RBM41: variants seen among roughly 807,000 people sequenced by gnomAD.
RBM41 encodes RNA binding motif protein 41.
In RBM41, 14 loss-of-function variants were observed where a neutral mutation model predicts 30.8. The observed-to-expected ratio is 0.45, with a 90% CI of 0.30 to 0.71. The LOEUF is 0.71. RBM41 is among the 30% of genes least tolerant of loss of function. The pLI, the probability that RBM41 is intolerant of heterozygous loss-of-function variation, is 0.08. For synonymous variants in RBM41, 120 were observed against 110.1 expected (o/e 1.09, Z -0.56); for missense variants, 276 against 326.3 (o/e 0.85, Z 1.19).
At position 107,062,431 on chromosome X, in the gene RBM41, C is replaced by T. The variant is rs931427164; in HGVS notation, c.*5096G>A. 2.7e-5 allele frequency among the ~76,000 whole-genome samples: 3 copies of T among 111,187 alleles called. No homozygotes were observed. The highest frequency in any genetic ancestry group is 9.8e-5 in the African/African-American group (3 of 30,561). ...AAAAGTCCAGCTTAGAAGTATGCCC[C>T]TGGTAACATGTATCAGAGGCTATAT... On this transcript the variant is annotated 3_prime_UTR_variant, in exon 8 of 8. Coordinates refer to ENST00000685964, the MANE Select transcript of RBM41 (RefSeq NM_001324242.2).
At chrX:107,085,257 TTTC>T (rs1235442204) in intron 6 of RBM41, among the ~76,000 whole-genome samples, 2 of 85,717 alleles carry the variant, frequency 2.3e-5, no homozygotes, top group African/African-American at 6.2e-5. Flanking sequence ...TTTTTTTCTT[TTTC>T]TTTTTTTTTT....
chrX:107,116,058 C>A lies in RBM41; in HGVS notation c.126-4G>T. 8.7e-7 allele frequency: 1 copy of A among 1,151,545 alleles called. No individual in the cohort carries two copies. Among genetic ancestry groups the A allele is most frequent in the Non-Finnish European group, 1.2e-6 (1 of 862,306 alleles). The allele number at this position is 1,151,545 out of a possible 1,213,427, so 94.9% of individuals were successfully genotyped here. A position where few individuals can be genotyped will look rare whatever the true frequency, so the allele number is the denominator to read the frequency against. ...GCTCTCTTTCTTAGACATACATCTG[C>A]AAAACATGCAGGAGGAGAGTAAGAA... On this transcript the variant is annotated splice_region_variant and splice_polypyrimidine_tract_variant and intron_variant, in intron 2 of 7. Transcript: ENST00000685964.
chrX:107,073,578 G>A (rs751326180), intron 6 of RBM41, among the ~76,000 whole-genome samples: 13 of 111,566 alleles, frequency 1.2e-4, no homozygotes, highest in African/African-American at 3.9e-4. Flanking sequence ...GAAACAGTAC[G>A]GAGGTTCCTC....
chrX:107,099,489 A>G (rs1032582715), intron 5 of RBM41, among the ~76,000 whole-genome samples: 1 of 112,330 alleles, frequency 8.9e-6, no homozygotes, highest in African/African-American at 3.2e-5. Flanking sequence ...ACGGAAAGAC[A>G]TTCAGATAGT....
chrX:107,080,449 G>A (rs756084882), intron 6 of RBM41, among the ~76,000 whole-genome samples: 62 of 111,114 alleles, frequency 5.6e-4, no homozygotes, highest in African/African-American at 1.9e-3. Context: ...GTGGTGGCTC[G>A]CACCTGTAGT....
intron 5 of RBM41, among the ~76,000 whole-genome samples, chrX:107,091,582 A>G (rs990339141): frequency 8.9e-6 from 1 of 112,155 alleles, no homozygotes; most frequent in Non-Finnish European, 1.9e-5. Context: ...ACCTTCACAG[A>G]AGTCTCACTT....
Position 107,088,460 on chromosome X carries a change from T to A in RBM41, c.975A>T (p.Ser325=). 3.3e-6 allele frequency: 4 copies of A among 1,211,543 alleles called. No homozygotes were observed. Among genetic ancestry groups the A allele is most frequent in the Non-Finnish European group, 4.5e-6 (4 of 895,208 alleles). The change falls in exon 6 of 8, where the codon TCA becomes TCT. Residue 325 remains serine (S), a synonymous_variant. Transcript: ENST00000685964. The part of the protein sequence containing the change: ...EEIRKIPMFS[S]YNPGEPNKVL... ...CCTTGTTTGGTTCCCCTGGATTATA[T>A]GAAGAAAACATAGGAATTTTTCGGA...
chrX:107,078,791 TTTTA>T (rs745775568), intron 6 of RBM41, among the ~76,000 whole-genome samples: 45 of 109,901 alleles, frequency 4.1e-4, no homozygotes, highest in Non-Finnish European at 7.0e-4. Context: ...ATTTATTTTA[TTTTA>T]TTTAGTTTGT....
At chrX:107,096,099 T>A (rs1212169510) in intron 5 of RBM41, among the ~76,000 whole-genome samples, 3 of 112,054 alleles carry the variant, frequency 2.7e-5, no homozygotes, top group African/African-American at 9.7e-5. Flanking sequence ...TACAAAACAA[T>A]GCTGAAATAA....
At chrX:107,102,589 T>A (rs1923562424) in intron 5 of RBM41, among the ~76,000 whole-genome samples, 1 of 111,317 alleles carries the variant, frequency 9.0e-6, no homozygotes, top group Non-Finnish European at 1.9e-5. Context: ...TATATGAGAC[T>A]GACAATGTTT....
At chrX:107,088,227 G>A (rs1180042037) in intron 6 of RBM41, among the ~76,000 whole-genome samples, 2 of 111,714 alleles carry the variant, frequency 1.8e-5, no homozygotes, top group African/African-American at 6.5e-5. Flanking sequence ...GATAGTTCAG[G>A]ACCTTAGCAA....
intron 6 of RBM41, among the ~76,000 whole-genome samples, chrX:107,077,573 A>AAC (rs35841168): frequency 0.068 from 6,285 of 92,597 alleles, 211 homozygotes; most frequent in African/African-American, 0.13. Flanking sequence ...CAACATACAT[A>AAC]ACACACACAC....
intron 5 of RBM41, among the ~76,000 whole-genome samples, chrX:107,108,487 C>G (rs757508042): frequency 1.8e-5 from 2 of 111,515 alleles, no homozygotes; most frequent in South Asian, 7.5e-4. Flanking sequence ...TAACAAAGAA[C>G]TCATGTGCAG....
At chrX:107,101,276 C>A (rs1923436558) in intron 5 of RBM41, among the ~76,000 whole-genome samples, 1 of 111,362 alleles carries the variant, frequency 9.0e-6, no homozygotes, top group African/African-American at 3.3e-5. Flanking sequence ...CATGATCTAT[C>A]TCACTATAAA....
At chrX:107,055,243 C>G in the RBM41 span, among the ~76,000 whole-genome samples, 4 of 112,562 alleles carry the variant, frequency 3.6e-5, no homozygotes, top group African/African-American at 1.3e-4. Context: ...CTCCATTCAT[C>G]AGTTGATGGA....
chrX:107,068,598 G>T (rs1935929111), intron 7 of RBM41, among the ~76,000 whole-genome samples: 1 of 111,018 alleles, frequency 9.0e-6, no homozygotes, highest in Non-Finnish European at 1.9e-5. Context: ...AAACAATGGA[G>T]GGGAGTTTGG....
In RBM41 at chrX:107,067,490, A is replaced by C; in HGVS notation, c.*37T>G. The C allele has an allele frequency of 2.6e-6, 3 of 1,136,246 alleles. No individual in the cohort carries two copies. Among genetic ancestry groups the C allele is most frequent in the Non-Finnish European group, 3.5e-6 (3 of 855,059 alleles). The allele number at this position is 1,136,246 out of a possible 1,213,427, so 93.6% of individuals were successfully genotyped here. A position where few individuals can be genotyped will look rare whatever the true frequency, so the allele number is the denominator to read the frequency against. ...AATCCTAGATCCAAGATTCCAATTC[A>C]AGAAAGACCATCCAGGACCCACAAT... On this transcript the variant is annotated 3_prime_UTR_variant, in exon 8 of 8. Coordinates refer to ENST00000685964, the MANE Select transcript of RBM41 (RefSeq NM_001324242.2).
At chrX:107,102,470 G>A (rs1461635523) in intron 5 of RBM41, among the ~76,000 whole-genome samples, 1 of 110,443 alleles carries the variant, frequency 9.1e-6, no homozygotes, top group Non-Finnish European at 1.9e-5. Context: ...TAAGTGTTAG[G>A]GTGTTAGGAT....
intron 6 of RBM41, among the ~76,000 whole-genome samples, chrX:107,080,827 G>A (rs1021491914): frequency 9.0e-6 from 1 of 111,410 alleles, no homozygotes. Context: ...ATCTTCTGTG[G>A]TGACGTGTTT....
Sources: allele counts gnomAD v4.1 joint callset (sites outside exome capture counted in the v4.1 genomes callset), GRCh38; gene constraint gnomAD v4.1.1; transcripts MANE v1.5; gene names NCBI Gene and HGNC (gene_info 2026-07-23, HGNC 2026-07-21).